The following PNLIPRP3 variants were observed in gnomAD, a reference collection of about 807,000 sequenced individuals.
PNLIPRP3 encodes pancreatic lipase related protein 3.
In PNLIPRP3, 58 loss-of-function variants were observed where a neutral mutation model predicts 52.8. The observed-to-expected ratio is 1.10, with a 90% CI of 0.89 to 1.37. PNLIPRP3 has a LOEUF of 1.37. Ranked by LOEUF, PNLIPRP3 falls within the 40% of genes most tolerant of loss-of-function variation. PNLIPRP3 has a pLI of 0.00. For synonymous variants in PNLIPRP3, 192 were observed against 185.0 expected, an observed-to-expected ratio of 1.04 and a Z score of -0.31; for missense variants, 593 against 561.6, an observed-to-expected ratio of 1.06 and a Z score of -0.57.
chr10:116,456,374 C>T (rs973452075), intron 5 of PNLIPRP3, among the ~76,000 whole-genome samples: 4 of 152,104 alleles, frequency 2.6e-5, no homozygotes, highest in Admixed American at 6.5e-5. Context: ...ATGATTATGG[C>T]GATGGATGTC....
At chr10:116,455,271 C>A (rs1200717886) in intron 4 of PNLIPRP3, among the ~76,000 whole-genome samples, 3 of 152,152 alleles carry the variant, frequency 2.0e-5, no homozygotes, top group African/African-American at 4.8e-5. Flanking sequence ...CTTAAAAGCT[C>A]CTGTTTTAAA....
At position 116,455,830 on chromosome 10, in the gene PNLIPRP3, G is replaced by T. The variant is rs1411204691; in HGVS notation, c.565G>T (p.Gly189Trp). 6.2e-7 allele frequency: 1 copy of T among 1,608,886 alleles called. No individual in the cohort carries two copies. Among genetic ancestry groups the T allele is most frequent in the Non-Finnish European group, 8.5e-7 (1 of 1,175,422 alleles). The stretch of plus-strand genomic sequence containing the variant: ...GATACCAGGCCTTGGAAGAATAACT[G>T]GTAAGCATGCCCTGCAGTTGGGCCT... ...SRIPGLGRIT[G>W]LDPAGPFFHN... The change falls in exon 5 of 12, where the codon GGG becomes TGG. Residue 189 changes from glycine (G) to tryptophan (W), a missense_variant and splice_region_variant. Coordinates refer to ENST00000369230, the MANE Select transcript of PNLIPRP3 (RefSeq NM_001011709.3).
At chr10:116,437,387 T>A (rs1845789982) in intron 2 of PNLIPRP3, among the ~76,000 whole-genome samples, 2 of 152,058 alleles carry the variant, frequency 1.3e-5, no homozygotes, top group Non-Finnish European at 2.9e-5. Flanking sequence ...TTGAGGTGTA[T>A]CCTGCAGGAT....
intron 1 of PNLIPRP3, among the ~76,000 whole-genome samples, chr10:116,434,938 A>G (rs1564692052): frequency 1.3e-5 from 2 of 152,198 alleles, no homozygotes; most frequent in Non-Finnish European, 2.9e-5. Flanking sequence ...CAGAGAATAT[A>G]GGAAAACACA....
chr10:116,444,338 T>C, intron 3 of PNLIPRP3, 44 bp from the exon 4 acceptor site: 1 of 1,507,586 alleles, frequency 6.6e-7, no homozygotes, highest in South Asian at 1.3e-5. Flanking sequence ...GTCGGTTTCC[T>C]TGAACACTTA....
chr10:116,431,909 GCTCCTCTCCCCCC>G (rs1845713643), intron 1 of PNLIPRP3, among the ~76,000 whole-genome samples: 3 of 151,868 alleles, frequency 2.0e-5, no homozygotes, highest in Admixed American at 2.0e-4. Context: ...CATGCGGTTT[GCTCCTCTCCCCCC>G]CAGGTCTTGA....
chr10:116,456,362 G>A (rs934379878), intron 5 of PNLIPRP3, among the ~76,000 whole-genome samples: 1 of 152,178 alleles, frequency 6.6e-6, no homozygotes, highest in African/African-American at 2.4e-5. Flanking sequence ...AAGAAAAGAT[G>A]AATGATTATG....
chr10:116,443,303 TG>T, intron 3 of PNLIPRP3, 129 bp downstream of exon 3: 1 of 1,016,324 alleles, frequency 9.8e-7, no homozygotes, highest in Non-Finnish European at 1.3e-6. Context: ...ATCCGTGTTC[TG>T]GGGCCTCAAA....
intron 3 of PNLIPRP3, 102 bp from the exon 4 acceptor site, chr10:116,444,280 T>C (rs974569403): frequency 3.2e-5 from 33 of 1,020,742 alleles, no homozygotes; most frequent in Non-Finnish European, 3.8e-5. Context: ...TCTAACCATA[T>C]CAACCTACTA....
At chr10:116,475,569 T>C (rs768717228) in intron 10 of PNLIPRP3, among the ~76,000 whole-genome samples, 11 of 152,218 alleles carry the variant, frequency 7.2e-5, no homozygotes, top group Non-Finnish European at 1.3e-4. Flanking sequence ...AACAGTTTCC[T>C]CTGGTAATTA....
chr10:116,432,123 G>A (rs530065948), intron 1 of PNLIPRP3, among the ~76,000 whole-genome samples: 70 of 152,232 alleles, frequency 4.6e-4, no homozygotes, highest in African/African-American at 1.5e-3. Flanking sequence ...TATACTCCAT[G>A]AGGGCTAGAA....
At chr10:116,456,651 G>A (rs918962711) in intron 5 of PNLIPRP3, among the ~76,000 whole-genome samples, 2 of 152,152 alleles carry the variant, frequency 1.3e-5, no homozygotes, top group Admixed American at 6.5e-5. Flanking sequence ...AATTGGGTTT[G>A]GGGGTATAAT....
At chr10:116,458,292 T>G (rs1256967027) in intron 5 of PNLIPRP3, among the ~76,000 whole-genome samples, 1 of 152,178 alleles carries the variant, frequency 6.6e-6, no homozygotes, top group Non-Finnish European at 1.5e-5. Context: ...CCTAAACGAT[T>G]AGTTCTCACT....
intron 3 of PNLIPRP3, among the ~76,000 whole-genome samples, chr10:116,443,791 A>G (rs868535587): frequency 0.11 from 1,244 of 11,664 alleles, 19 homozygotes; most frequent in Non-Finnish European, 0.37. Context: ...GTGTGTATGT[A>G]TGTGTGTGTG....
chr10:116,438,711 T>C (rs899686927), intron 2 of PNLIPRP3, among the ~76,000 whole-genome samples: 4 of 152,188 alleles, frequency 2.6e-5, no homozygotes, highest in African/African-American at 9.6e-5. Context: ...TAAATCAAGG[T>C]ATGTACTTAA....
At chr10:116,450,590 A>G (rs943041831) in intron 4 of PNLIPRP3, among the ~76,000 whole-genome samples, 3 of 152,118 alleles carry the variant, frequency 2.0e-5, no homozygotes, top group Admixed American at 6.5e-5. Flanking sequence ...ACTTGAGAAG[A>G]CTAACATTTA....
rs778594583 is a variant in PNLIPRP3 at position 116,461,067 on chromosome 10, C to T, written c.667C>T (p.Arg223Cys). 2.5e-6 allele frequency: 4 copies of T among 1,614,184 alleles called. No homozygotes were observed. The highest frequency in any genetic ancestry group is 3.4e-6 in the Non-Finnish European group (4 of 1,180,040). The change falls in exon 6 of 12, where the codon CGC (arginine) becomes TGC (cysteine). Residue 223 changes from arginine (R) to cysteine (C), a missense_variant. By Grantham distance (180) the Arg-to-Cys change is radical. Transcript: ENST00000369230. ...FVDVIHTNAARILFELGVGTI... is the reference protein window; with the variant it reads ...FVDVIHTNAACILFELGVGTI... ...TGACGTTATTCATACAAATGCAGCT[C>T]GCATCCTCTTTGAGCTTGGTAAGTT...
chr10:116,435,568 G>A (rs1295215027), intron 1 of PNLIPRP3, among the ~76,000 whole-genome samples: 1 of 152,146 alleles, frequency 6.6e-6, no homozygotes, highest in East Asian at 1.9e-4. Context: ...TCGGCTTCAA[G>A]CCTGCCCTTC....
intron 1 of PNLIPRP3, among the ~76,000 whole-genome samples, chr10:116,430,499 G>A (rs887558636): frequency 6.6e-6 from 1 of 152,162 alleles, no homozygotes; most frequent in Non-Finnish European, 1.5e-5. Flanking sequence ...ACAGGAAATA[G>A]GTGAAGTGTT....
Sources: allele counts gnomAD v4.1 joint callset (sites outside exome capture counted in the v4.1 genomes callset), GRCh38; gene constraint gnomAD v4.1.1; transcripts MANE v1.5; gene names NCBI Gene and HGNC (gene_info 2026-07-23, HGNC 2026-07-21).